MDGA2: variants seen among roughly 807,000 people sequenced by gnomAD.
The protein encoded by MDGA2 is MAM domain-containing glycosylphosphatidylinositol anchor protein 2.
A neutral mutation model predicts 117.8 loss-of-function variants in MDGA2; 40 were observed. That is an observed-to-expected ratio of 0.34 (90% CI 0.26 to 0.44). MDGA2 has a LOEUF of 0.44. Among genes scored for constraint, MDGA2 ranks in the 20% least tolerant of loss-of-function variants. MDGA2 has a pLI of 1.00. For missense variants in MDGA2, 1,123 were observed against 1,250.6 expected (o/e 0.90, Z 1.54); for synonymous variants, 452 against 439.0 (o/e 1.03, Z -0.37).
At chr14:47,380,186 C>T (rs1199026768) in intron 1 of MDGA2, among the ~76,000 whole-genome samples, 1 of 152,116 alleles carries the variant, frequency 6.6e-6, no homozygotes, top group Non-Finnish European at 1.5e-5. Flanking sequence ...AACAAAGACA[C>T]AACATACGAG....
chr14:47,326,166 T>C (rs1474911265), intron 1 of MDGA2, among the ~76,000 whole-genome samples: 1 of 152,178 alleles, frequency 6.6e-6, no homozygotes, highest in Non-Finnish European at 1.5e-5. Flanking sequence ...AATCACACAC[T>C]GTCACATCCT....
intron 2 of MDGA2, among the ~76,000 whole-genome samples, chr14:47,247,281 T>A (rs1357220412): frequency 6.7e-6 from 1 of 149,648 alleles, no homozygotes; most frequent in Admixed American, 6.7e-5. Flanking sequence ...GGTGTGTATA[T>A]CCCATAGTGC....
chr14:47,264,399 G>A (rs1438320017), intron 2 of MDGA2, among the ~76,000 whole-genome samples: 1 of 152,090 alleles, frequency 6.6e-6, no homozygotes, highest in African/African-American at 2.4e-5. Context: ...ATTTCTTAAA[G>A]CATATTTTTG....
At chr14:47,038,995 C>T (rs969767383) in intron 7 of MDGA2, among the ~76,000 whole-genome samples, 1 of 151,842 alleles carries the variant, frequency 6.6e-6, no homozygotes, top group African/African-American at 2.4e-5. Flanking sequence ...CAGGGTTAAC[C>T]TTTCCCTACA....
rs780764807 is a variant in MDGA2 at position 47,218,122 on chromosome 14, C to T, written c.494G>A (p.Arg165Lys). The T allele has an allele frequency of 3.2e-6, 5 of 1,550,964 alleles. No homozygotes were observed. The highest frequency in any genetic ancestry group is 3.9e-5 in the Admixed American group (2 of 50,934). The change falls in exon 3 of 17, where the codon AGG (arginine) becomes AAG (lysine). Residue 165 changes from arginine to lysine, a missense_variant. Physicochemically the swap from Arg to Lys is conservative, Grantham distance 26. Transcript: ENST00000399232. ...TTGGTGTCGCTGAATATTTGTAATC[C>T]TCAAAGTCTCATTGAAGACACTTGA... ...QDSSVFNETL[R>K]ITNIQRHQGG...
chr14:47,434,326 T>C (rs1202991707), intron 1 of MDGA2, among the ~76,000 whole-genome samples: 2 of 152,160 alleles, frequency 1.3e-5, no homozygotes, highest in African/African-American at 2.4e-5. Flanking sequence ...TGTTTTGTGC[T>C]ACTGAGAATA....
chr14:47,508,262 T>C (rs1454415151), intron 1 of MDGA2, among the ~76,000 whole-genome samples: 1 of 152,146 alleles, frequency 6.6e-6, no homozygotes, highest in African/African-American at 2.4e-5. Flanking sequence ...ACTATACTGG[T>C]CCTTTATTAA....
rs372948919 is a variant in MDGA2, at chr14:47,320,709, C to A, written c.281-19159G>T. Among the ~76,000 whole-genome samples, 135 of 152,232 alleles carry A rather than the reference C, an allele frequency of 8.9e-4. 3 individuals carry two copies. The South Asian group carries it at 0.027, about 30-fold the overall frequency. Reference sequence around the variant, plus strand: ...AACTTGAATTTTCCAAGTGAAGAAGCCCAATTTTATTGTACCTTAAACTTA... The same window carrying A: ...AACTTGAATTTTCCAAGTGAAGAAGACCAATTTTATTGTACCTTAAACTTA... On this transcript the variant is annotated intron_variant, in intron 1 of 16. Coordinates refer to ENST00000399232, the MANE Select transcript of MDGA2 (RefSeq NM_001113498.3).
At chr14:47,180,091 C>T (rs1452498886) in intron 3 of MDGA2, among the ~76,000 whole-genome samples, 4 of 151,954 alleles carry the variant, frequency 2.6e-5, no homozygotes, top group Admixed American at 6.6e-5. Flanking sequence ...GGTAAAATTG[C>T]GTCATGGGGG....
At chr14:47,049,134 CTACT>C (rs1401248825) in intron 7 of MDGA2, among the ~76,000 whole-genome samples, 1 of 152,078 alleles carries the variant, frequency 6.6e-6, no homozygotes, top group Non-Finnish European at 1.5e-5. Context: ...TAAAAGTGGA[CTACT>C]TACGTTTCAT....
At chr14:46,909,052 A>T (rs778832815) in intron 10 of MDGA2, among the ~76,000 whole-genome samples, 39 of 152,242 alleles carry the variant, frequency 2.6e-4, no homozygotes, top group Admixed American at 2.0e-3. Context: ...TTGCTTTCTA[A>T]CCGTTAATTT....
chr14:47,549,599 A>G (rs1895540719), intron 1 of MDGA2, among the ~76,000 whole-genome samples: 2 of 152,166 alleles, frequency 1.3e-5, no homozygotes, highest in Admixed American at 1.3e-4. Flanking sequence ...AGTTCCTTCC[A>G]AAATTCATAG....
intron 1 of MDGA2, among the ~76,000 whole-genome samples, chr14:47,600,608 G>GAT (rs2138877998): frequency 6.6e-6 from 1 of 151,788 alleles, no homozygotes; most frequent in South Asian, 2.1e-4. Flanking sequence ...ATGCTGTTGA[G>GAT]ATAAAAGGAA....
intron 9 of MDGA2, among the ~76,000 whole-genome samples, chr14:46,926,687 TAGAAA>T (rs1884345054): frequency 2.0e-5 from 3 of 152,170 alleles, no homozygotes; most frequent in South Asian, 2.1e-4. Context: ...GTAAATTAAT[TAGAAA>T]AGAAGAGAGA....
chr14:47,510,323 TA>T (rs1224628883), intron 1 of MDGA2, among the ~76,000 whole-genome samples: 1 of 152,200 alleles, frequency 6.6e-6, no homozygotes, highest in Non-Finnish European at 1.5e-5. Context: ...TCCTGTTGTT[TA>T]TAAGCCACCC....
intron 1 of MDGA2, among the ~76,000 whole-genome samples, chr14:47,401,029 T>C (rs1216938149): frequency 6.6e-6 from 1 of 151,666 alleles, no homozygotes; most frequent in African/African-American, 2.4e-5. Context: ...AGTGCTGGGA[T>C]TACAGGCGTG....
intron 2 of MDGA2, among the ~76,000 whole-genome samples, chr14:47,287,594 A>G (rs574094169): frequency 1.8e-4 from 27 of 152,144 alleles, no homozygotes; most frequent in Non-Finnish European, 3.2e-4. Flanking sequence ...ATTATTAACT[A>G]TAGTCACAAT....
intron 3 of MDGA2, among the ~76,000 whole-genome samples, chr14:47,175,827 G>C (rs1449782032): frequency 6.6e-6 from 1 of 150,532 alleles, no homozygotes; most frequent in Non-Finnish European, 1.5e-5. Flanking sequence ...AGGAAATAAA[G>C]GGTATTCAAT....
intron 5 of MDGA2, 66 bp from the exon 6 acceptor site, chr14:47,097,189 G>C: frequency 6.6e-7 from 1 of 1,518,722 alleles, no homozygotes; most frequent in South Asian, 1.2e-5. Flanking sequence ...TCAACAGCAT[G>C]CATTATATTG....
Sources: gnomAD v4.1 joint callset for allele counts (sites outside exome capture counted in the v4.1 genomes callset) on GRCh38, gnomAD v4.1.1 for gene constraint, MANE v1.5 for transcripts, NCBI Gene and HGNC (gene_info 2026-07-23, HGNC 2026-07-21) for gene names.